Variants in ERBIN observed in about 807,000 individuals in gnomAD.
ERBIN encodes the protein erbb2 interacting protein.
A neutral mutation model predicts 158.4 loss-of-function variants in ERBIN; 60 were observed. The ratio of observed to expected loss-of-function variants is 0.38; its 90% confidence interval spans 0.31 to 0.47. The LOEUF (loss-of-function observed/expected upper bound fraction) is 0.47, where lower values mean the gene tolerates loss of function less well. Ranked by LOEUF, ERBIN falls within the 20% of genes least tolerant of loss-of-function variation. The pLI is 0.99. For missense variants in ERBIN, 1,610 were observed against 1,648.0 expected (o/e 0.98, Z 0.40); for synonymous variants, 594 against 557.2 (o/e 1.07, Z -0.93).
In ERBIN at chr5:66,043,790, G is replaced by A. The variant is rs564650559; in HGVS notation, c.1429-347G>A. Among the ~76,000 whole-genome samples the A allele has an allele frequency of 3.3e-5, 5 of 152,082 alleles. No homozygotes were observed. In the South Asian group the frequency reaches 6.2e-4, roughly 19 times the overall value. ...CTTGGTATGTGAGACATAAATATAC[G>A]AATATCTGAATTTTATATATACGTA... is the stretch of plus-strand genomic sequence containing the variant. On this transcript the variant is annotated intron_variant, in intron 16 of 25. Coordinates refer to ENST00000284037, the MANE Select transcript of ERBIN (RefSeq NM_001253697.2).
chr5:65,939,828 C>T (rs529222098), intron 1 of ERBIN, among the ~76,000 whole-genome samples: 5 of 152,170 alleles, frequency 3.3e-5, no homozygotes, highest in South Asian at 2.1e-4. Flanking sequence ...GGATTGCAGA[C>T]GGAGTCTGGT....
At chr5:65,948,010 C>CAAA (rs34947340) in intron 1 of ERBIN, among the ~76,000 whole-genome samples, 2 of 134,338 alleles carry the variant, frequency 1.5e-5, no homozygotes, top group Admixed American at 7.6e-5. Context: ...AACTGCATTT[C>CAAA]AAAAAAAAAA....
At position 66,014,658 on chromosome 5, in the gene ERBIN, T is replaced by C. The variant is rs1445433809; in HGVS notation, c.477-11T>C. 5 of 1,267,810 alleles carry C rather than the reference T, an allele frequency of 3.9e-6. No individual in the cohort carries two copies. The highest frequency in any genetic ancestry group is 5.5e-6 in the Non-Finnish European group (5 of 911,834). The allele number at this position is 1,267,810 out of a possible 1,614,324, so 78.5% of individuals were successfully genotyped here. A position where few individuals can be genotyped will look rare whatever the true frequency, so the allele number is the denominator to read the frequency against. ...TTGTCCTAAATACATGATTTTTTTTTTGTATTGCAGATTAACTAAACTCCA... is the reference window on the plus strand; with the variant it reads ...TTGTCCTAAATACATGATTTTTTTTCTGTATTGCAGATTAACTAAACTCCA... On this transcript the variant is annotated splice_polypyrimidine_tract_variant and intron_variant, in intron 6 of 25. Transcript: ENST00000284037.
At chr5:65,938,286 C>CT (rs1475471306) in intron 1 of ERBIN, among the ~76,000 whole-genome samples, 2 of 151,232 alleles carry the variant, frequency 1.3e-5, no homozygotes, top group East Asian at 3.9e-4. Context: ...ATAGTGATGA[C>CT]TTTTGAAGAA....
chr5:66,017,155 A>G (rs1040238393), intron 7 of ERBIN, among the ~76,000 whole-genome samples: 2 of 152,236 alleles, frequency 1.3e-5, no homozygotes, highest in Middle Eastern at 3.4e-3. Context: ...CCATAGACAT[A>G]GGAGTTCAGA....
intron 2 of ERBIN, 69 bp from the exon 3 acceptor site, chr5:65,992,641 G>T: frequency 8.7e-7 from 1 of 1,145,356 alleles, no homozygotes. Context: ...GTGATAGATT[G>T]GAATGATTTG....
At chr5:66,057,287 A>G (rs1425069921) in intron 21 of ERBIN, among the ~76,000 whole-genome samples, 1 of 152,204 alleles carries the variant, frequency 6.6e-6, no homozygotes, top group African/African-American at 2.4e-5. Flanking sequence ...TTTAAAAATT[A>G]GATGGGTTAA....
intron 4 of ERBIN, among the ~76,000 whole-genome samples, chr5:65,998,426 G>A (rs1401376318): frequency 6.6e-6 from 1 of 151,662 alleles, no homozygotes; most frequent in African/African-American, 2.4e-5. Flanking sequence ...CCGTACTGAC[G>A]TTCAGTTCAC....
At chr5:65,945,449 T>A (rs1745625485) in intron 1 of ERBIN, among the ~76,000 whole-genome samples, 1 of 152,252 alleles carries the variant, frequency 6.6e-6, no homozygotes, top group South Asian at 2.1e-4. Context: ...CATTTTCACA[T>A]AAATTTGTTC....
In ERBIN at chr5:66,025,623, G is replaced by T. The variant is rs911442486; in HGVS notation, c.890+71G>T. On this transcript the variant is annotated intron_variant, in intron 11 of 25. Transcript: ENST00000284037. ...GTTCAGCATGCCATACATATTTTCA[G>T]GTATTTGCATAAATGACCTAAAGAT... 2.2e-5 allele frequency: 26 copies of T among 1,207,782 alleles called. No homozygotes were observed. In the East Asian group the frequency reaches 6.1e-4, roughly 28 times the overall value. The allele number at this position is 1,207,782 out of a possible 1,614,324, so 74.8% of individuals were successfully genotyped here.
chr5:66,074,574 A>G (rs1317776321), intron 22 of ERBIN, among the ~76,000 whole-genome samples: 1 of 152,216 alleles, frequency 6.6e-6, no homozygotes, highest in Non-Finnish European at 1.5e-5. Context: ...TTTCTGAAGA[A>G]AAACGTCAGC....
At chr5:65,948,762 G>GTTTTTTTTTTTTTTT (rs59712256) in intron 1 of ERBIN, among the ~76,000 whole-genome samples, 3 of 105,624 alleles carry the variant, frequency 2.8e-5, no homozygotes, top group Non-Finnish European at 5.3e-5. Context: ...TCTGTTTTGC[G>GTTTTTTTTTTTTTTT]TTTTTTTTTT....
rs1759373923 is a variant in ERBIN, at chr5:66,054,385, A to G, written c.3067A>G (p.Lys1023Glu). The part of the protein sequence containing the change: ...SESTENQSYA[K>E]HSANMNFSNH... Reference sequence around the variant, plus strand: ...GAGCACAGAAAATCAAAGTTATGCTAAACATTCTGCCAATATGAATTTCTC... The same window carrying G: ...GAGCACAGAAAATCAAAGTTATGCTGAACATTCTGCCAATATGAATTTCTC... The change falls in exon 21 of 26, where the codon AAA (lysine) becomes GAA (glutamate). Residue 1023 changes from lysine (K) to glutamate (E), a missense_variant. Transcript: ENST00000284037. The G allele has an allele frequency of 6.2e-7, 1 of 1,614,168 alleles. No individual in the cohort carries two copies. The highest frequency in any genetic ancestry group is 8.5e-7 in the Non-Finnish European group (1 of 1,180,028).
chr5:66,025,058 T>A (rs1756091244), intron 10 of ERBIN, among the ~76,000 whole-genome samples: 1 of 152,148 alleles, frequency 6.6e-6, no homozygotes, highest in South Asian at 2.1e-4. Flanking sequence ...TTTACTGTTT[T>A]AGTATTTAGT....
intron 1 of ERBIN, among the ~76,000 whole-genome samples, chr5:65,965,122 T>C (rs892464471): frequency 1.3e-5 from 2 of 151,636 alleles, no homozygotes; most frequent in East Asian, 3.9e-4. Flanking sequence ...AAATTAGATA[T>C]TACTCTTCTT....
intron 21 of ERBIN, 92 bp from the exon 22 acceptor site, chr5:66,072,077 A>G: frequency 4.4e-6 from 6 of 1,356,834 alleles, no homozygotes; most frequent in Non-Finnish European, 6.0e-6. Context: ...CTATTTGGCA[A>G]TATTTTTTCC....
chr5:66,029,945 T>C (rs1237232262), intron 14 of ERBIN, among the ~76,000 whole-genome samples: 1 of 152,184 alleles, frequency 6.6e-6, no homozygotes. Flanking sequence ...CTTAAATTTA[T>C]GTTAATCCAT....
Position 66,081,336 on chromosome 5 carries a change from T to A in ERBIN, c.*2806T>A, listed in dbSNP as rs1762374628. On this transcript the variant is annotated 3_prime_UTR_variant, in exon 26 of 26. Coordinates refer to ENST00000284037, the MANE Select transcript of ERBIN (RefSeq NM_001253697.2). Reference sequence around the variant, plus strand: ...TTTGTAAATATTCTTCTGACCTCTTTGGACTGGATATGAAGATATATATAT... The same window carrying A: ...TTTGTAAATATTCTTCTGACCTCTTAGGACTGGATATGAAGATATATATAT... 1 of 152,052 alleles carries A rather than the reference T, an allele frequency of 6.6e-6. No individual in the cohort carries two copies. 9.4% of individuals were successfully genotyped at this position (152,052 alleles called of 1,614,324 possible).
chr5:66,066,535 A>AAT (rs1561450904), intron 21 of ERBIN, among the ~76,000 whole-genome samples: 1 of 150,912 alleles, frequency 6.6e-6, no homozygotes, highest in African/African-American at 2.5e-5. Context: ...AAAAAAAAAA[A>AAT]CAAAAAAAAC....
Sources: allele counts gnomAD v4.1 joint callset (sites outside exome capture counted in the v4.1 genomes callset), GRCh38; gene constraint gnomAD v4.1.1; transcripts MANE v1.5; gene names NCBI Gene and HGNC (gene_info 2026-07-23, HGNC 2026-07-21).